Variants in CACNA1E observed in about 807,000 individuals in gnomAD.
The protein encoded by CACNA1E is voltage-dependent R-type calcium channel subunit alpha-1E.
Under a neutral mutation model 259.2 loss-of-function variants are expected in CACNA1E, and 40 were observed. The observed-to-expected ratio is 0.15, with a 90% CI of 0.12 to 0.20. CACNA1E has a LOEUF of 0.20. CACNA1E is among the 10% of genes least tolerant of loss of function. The pLI is 1.00. For synonymous variants in CACNA1E, 1,104 were observed against 1,138.5 expected, an observed-to-expected ratio of 0.97 and a Z score of 0.61; for missense variants, 1,874 against 3,040.1, an observed-to-expected ratio of 0.62 and a Z score of 9.02.
intron 3 of CACNA1E, among the ~76,000 whole-genome samples, chr1:181,538,128 T>A (rs1668311540): frequency 6.6e-6 from 1 of 152,204 alleles, no homozygotes; most frequent in Non-Finnish European, 1.5e-5. Context: ...TTCTGGCCAT[T>A]TGATTCTTAC....
intron 23 of CACNA1E, among the ~76,000 whole-genome samples, chr1:181,737,967 C>G (rs907614768): frequency 3.3e-5 from 5 of 152,216 alleles, no homozygotes; most frequent in Admixed American, 2.0e-4. Flanking sequence ...AGCTCCACCA[C>G]AGGGGGCCAA....
At chr1:181,787,419 G>T (rs1660937751) in intron 43 of CACNA1E, among the ~76,000 whole-genome samples, 1 of 152,090 alleles carries the variant, frequency 6.6e-6, no homozygotes, top group African/African-American at 2.4e-5. Flanking sequence ...GCAGTCCTTG[G>T]CTTAGAAATG....
At chr1:181,567,290 G>A (rs1051897417) in intron 3 of CACNA1E, among the ~76,000 whole-genome samples, 1 of 152,086 alleles carries the variant, frequency 6.6e-6, no homozygotes, top group Admixed American at 6.6e-5. Context: ...TCTTGGAGAG[G>A]GCAAGGTGAC....
At chr1:181,513,705 G>T (rs1038312499) in intron 3 of CACNA1E, among the ~76,000 whole-genome samples, 2 of 152,168 alleles carry the variant, frequency 1.3e-5, no homozygotes, top group Non-Finnish European at 2.9e-5. Context: ...CTACATGGTT[G>T]TTGAAGAAGC....
In CACNA1E at chr1:181,728,588, C is replaced by T. The variant is rs148923974; in HGVS notation, c.2240+2426C>T. Among the ~76,000 whole-genome samples the T allele has an allele frequency of 1.6e-4, 25 of 152,128 alleles. No individual in the cohort carries two copies. In the East Asian group the frequency reaches 3.1e-3, roughly 19 times the overall value. On this transcript the variant is annotated intron_variant, in intron 18 of 47. Transcript: ENST00000367573. ...CCTGCAAAGACGTGTGCACCCTGCT[C>T]GTGTGCGTACTCTGCCCAGGTGTAT...
chr1:181,350,560 C>T (rs1291462121), intron 1 of CACNA1E, among the ~76,000 whole-genome samples: 1 of 152,164 alleles, frequency 6.6e-6, no homozygotes, highest in African/African-American at 2.4e-5. Context: ...TTGCCCAGGA[C>T]TGAGACAACG....
At chr1:181,502,184 C>A (rs1375885856) in intron 1 of CACNA1E, among the ~76,000 whole-genome samples, 1 of 152,130 alleles carries the variant, frequency 6.6e-6, no homozygotes, top group East Asian at 1.9e-4. Context: ...AGGGGTTTAG[C>A]CCTCTTGCCC....
intron 6 of CACNA1E, among the ~76,000 whole-genome samples, chr1:181,581,296 T>G (rs1651515773): frequency 6.6e-6 from 1 of 152,154 alleles, no homozygotes; most frequent in South Asian, 2.1e-4. Flanking sequence ...GAAAAGTCAT[T>G]GACTTTTCTA....
At chr1:181,744,758 G>A (rs941686427) in intron 25 of CACNA1E, among the ~76,000 whole-genome samples, 1 of 152,182 alleles carries the variant, frequency 6.6e-6, no homozygotes, top group African/African-American at 2.4e-5. Context: ...AAAAGTGGAC[G>A]AAGTCCTGCT....
rs72452833 is a variant in CACNA1E at position 181,611,402 on chromosome 1, GTT to G, written c.951+30638_951+30639del. 4.8e-3 allele frequency among the ~76,000 whole-genome samples: 694 copies of G among 145,380 alleles called. 6 individuals carry two copies. The highest frequency in any genetic ancestry group is 0.017 in the African/African-American group (664 of 39,966). On this transcript the variant is annotated intron_variant, in intron 6 of 47. Coordinates refer to ENST00000367573, the MANE Select transcript of CACNA1E (RefSeq NM_001205293.3). The stretch of plus-strand genomic sequence containing the variant: ...ATTTTTGCTTGATTTTTAAGTCAGT[GTT>G]TTTTTTTTTTTCTCAGAAGCAATTC...
At chr1:181,356,171 A>G (rs1026183265) in intron 1 of CACNA1E, among the ~76,000 whole-genome samples, 3 of 152,196 alleles carry the variant, frequency 2.0e-5, no homozygotes, top group Non-Finnish European at 4.4e-5. Flanking sequence ...ACTGGCCAAC[A>G]AGTGCTCCTG....
chr1:181,350,796 A>G (rs1405169665), intron 1 of CACNA1E, among the ~76,000 whole-genome samples: 1 of 152,092 alleles, frequency 6.6e-6, no homozygotes, highest in African/African-American at 2.4e-5. Flanking sequence ...CTACAACCTT[A>G]TATAGTTAAG....
intron 25 of CACNA1E, among the ~76,000 whole-genome samples, chr1:181,747,409 A>G (rs1392037640): frequency 6.6e-6 from 1 of 151,828 alleles, no homozygotes. Flanking sequence ...ATTGAGCTGG[A>G]AAATTCTCGT....
chr1:181,663,756 T>G (rs539946082), intron 7 of CACNA1E, among the ~76,000 whole-genome samples: 2 of 152,386 alleles, frequency 1.3e-5, no homozygotes, highest in South Asian at 4.1e-4. Context: ...CAAGTAATTA[T>G]GATAGGTTGG....
chr1:181,490,747 G>T (rs1436020874), intron 1 of CACNA1E, among the ~76,000 whole-genome samples: 1 of 152,176 alleles, frequency 6.6e-6, no homozygotes, highest in Non-Finnish European at 1.5e-5. Flanking sequence ...CCAAAGACTT[G>T]TGTCATTAAA....
At position 181,551,956 on chromosome 1, in the gene CACNA1E, G is replaced by A. The variant is rs552389430; in HGVS notation, c.513-25810G>A. Among the ~76,000 whole-genome samples the A allele has an allele frequency of 4.6e-5, 7 of 151,644 alleles. No homozygotes were observed. In the South Asian group the frequency reaches 1.5e-3, roughly 32 times the overall value. On this transcript the variant is annotated intron_variant, in intron 3 of 47. Transcript: ENST00000367573. ...CTGGCCCCTTCTAATTTGATTCACT[G>A]ACTCAAGTTATGCCAAGAAGGAAAG...
At chr1:181,415,431 C>T (rs1266004540) in intron 2 of CACNA1E, among the ~76,000 whole-genome samples, 1 of 152,004 alleles carries the variant, frequency 6.6e-6, no homozygotes, top group Non-Finnish European at 1.5e-5. Context: ...CATCAATGGC[C>T]TTGGGGAATG....
At chr1:181,507,292 C>T (rs1321848685) in intron 1 of CACNA1E, among the ~76,000 whole-genome samples, 1 of 152,224 alleles carries the variant, frequency 6.6e-6, no homozygotes, top group Non-Finnish European at 1.5e-5. Context: ...GACTCATCAG[C>T]ACCTGGGCCA....
chr1:181,398,224 AAG>A (rs1656832332), intron 1 of CACNA1E, among the ~76,000 whole-genome samples: 1 of 152,190 alleles, frequency 6.6e-6, no homozygotes, highest in Non-Finnish European at 1.5e-5. Context: ...TCCTTCTCTG[AAG>A]AGTCTTGACG....
Sources: gnomAD v4.1 joint callset for allele counts (sites outside exome capture counted in the v4.1 genomes callset) on GRCh38, gnomAD v4.1.1 for gene constraint, MANE v1.5 for transcripts, NCBI Gene and HGNC (gene_info 2026-07-23, HGNC 2026-07-21) for gene names.